The following PHC2 variants were observed in gnomAD, a reference collection of about 807,000 sequenced individuals.
PHC2 encodes polyhomeotic-like protein 2.
In PHC2, 29 loss-of-function variants were observed where a neutral mutation model predicts 87.4. The observed-to-expected ratio is 0.33, with a 90% confidence interval of 0.25 to 0.45. The LOEUF is 0.45. Ranked by LOEUF, PHC2 falls within the 20% of genes least tolerant of loss-of-function variation. PHC2 has a pLI of 1.00. For missense variants in PHC2, 857 were observed against 1,136.7 expected (o/e 0.75, Z 3.54); for synonymous variants, 438 against 461.7 (o/e 0.95, Z 0.66).
intron 1 of PHC2, among the ~76,000 whole-genome samples, chr1:33,393,100 G>A (rs4294379): frequency 0.067 from 10,133 of 152,190 alleles, 587 homozygotes; most frequent in East Asian, 0.18. Flanking sequence ...CAGACACTCA[G>A]GGAGGCCATA....
At chr1:33,325,730 T>TA (rs894121133) in intron 14 of PHC2, 8 of 368,740 alleles carry the variant, frequency 2.2e-5, no homozygotes, top group African/African-American at 1.7e-4. Flanking sequence ...GATTGCTGCT[T>TA]AAAGTCACTG....
intron 7 of PHC2, 45 bp from the exon 8 acceptor site, chr1:33,355,298 C>T (rs1398281790): frequency 6.7e-7 from 1 of 1,494,104 alleles, no homozygotes; most frequent in Admixed American, 2.2e-5. Flanking sequence ...TTGACCTTCT[C>T]TTCTGCTGTG....
Position 33,332,128 on chromosome 1 carries a change from G to T in PHC2, c.1891+147C>A. On this transcript the variant is annotated intron_variant, in intron 11 of 14. Transcript: ENST00000683057. This position sits in a 1 kb window ranked among gnomAD's most constrained non-coding sequence, Gnocchi z 4.2. ...TGATTTCCCCTATCCCTCTTTTTGA[G>T]GGAAGGAGGCTGAGGAGGTGCTGGG... 1.2e-6 allele frequency: 1 copy of T among 844,852 alleles called. No individual in the cohort carries two copies. The highest frequency in any genetic ancestry group is 1.8e-6 in the Non-Finnish European group (1 of 541,844). The allele number at this position is 844,852 out of a possible 1,614,324, so 52.3% of individuals were successfully genotyped here.
rs1161551090 is a variant in PHC2, at chr1:33,389,060, A to T, written c.-54-13467T>A. On this transcript the variant is annotated intron_variant, in intron 1 of 14. Transcript: ENST00000683057. ...CTCAAGTCCAAGAAATGTTCTTGTT[A>T]AAAAAAAAAAAAAAAGAAAGAAAGA... Among the ~76,000 whole-genome samples the T allele has an allele frequency of 4.4e-5, 3 of 68,380 alleles. No homozygotes were observed. In the East Asian group the frequency reaches 2.7e-3, roughly 61 times the overall value. The allele number at this position is 68,380 out of a possible 152,430, so 44.9% of individuals were successfully genotyped here.
chr1:33,334,560 G>C lies in PHC2; in HGVS notation c.1559-268C>G, dbSNP rs1036480145. On this transcript the variant is annotated intron_variant, in intron 9 of 14. Coordinates refer to ENST00000683057, the MANE Select transcript of PHC2 (RefSeq NM_001385109.1). The surrounding 1 kb of genome is among the most constrained non-coding windows in gnomAD (Gnocchi z 5.5). ...TTTCTTCATTTCCCAACCGTGCTAT[G>C]AACAGTTAACCCGGATAAACAGACG... Among the ~76,000 whole-genome samples, 1 of 152,234 alleles carries C rather than the reference G, an allele frequency of 6.6e-6. No individual in the cohort carries two copies. The highest frequency in any genetic ancestry group is 2.4e-5 in the African/African-American group (1 of 41,456).
At chr1:33,429,927 C>T (rs935058870) in intron 1 of PHC2, among the ~76,000 whole-genome samples, 1 of 152,212 alleles carries the variant, frequency 6.6e-6, no homozygotes, top group African/African-American at 2.4e-5. Flanking sequence ...TTTTCATCCC[C>T]ACTGGTGATA....
At chr1:33,354,659 G>A (rs1647034711) in intron 8 of PHC2, 93 bp from the exon 9 acceptor site, 8 of 1,409,490 alleles carry the variant, frequency 5.7e-6, no homozygotes, top group Non-Finnish European at 7.7e-6. Flanking sequence ...TGGGAAGCAG[G>A]TAAGGACCTT....
At chr1:33,398,593 C>T (rs994650676) in intron 1 of PHC2, among the ~76,000 whole-genome samples, 13 of 152,146 alleles carry the variant, frequency 8.5e-5, no homozygotes, top group Admixed American at 8.5e-4. Flanking sequence ...TCACAGTATT[C>T]TTAGCACAAA....
chr1:33,372,570 C>T, intron 2 of PHC2, 123 bp from the exon 3 acceptor site: 2 of 693,202 alleles, frequency 2.9e-6, no homozygotes, highest in Non-Finnish European at 4.0e-6. Flanking sequence ...GATCTGTGAC[C>T]ACCACCACAG....
chr1:33,349,599 G>C lies in PHC2; in HGVS notation c.1558+4802C>G. On this transcript the variant is annotated intron_variant, in intron 9 of 14. Transcript: ENST00000683057. The surrounding 1 kb of genome is among the most constrained non-coding windows in gnomAD (Gnocchi z 4.2). ...CCCTCCCCCGCCCCGGCACTGACCT[G>C]TCCAGGGCCCGGCTGGGCCTGGCCG... The C allele has an allele frequency of 1.0e-6, 1 of 983,984 alleles. No individual in the cohort carries two copies. The highest frequency in any genetic ancestry group is 1.2e-6 in the Non-Finnish European group (1 of 829,296). The allele number at this position is 983,984 out of a possible 1,614,324, so 61.0% of individuals were successfully genotyped here.
At chr1:33,346,596 G>A (rs1450049381) in intron 9 of PHC2, 19 of 985,188 alleles carry the variant, frequency 1.9e-5, no homozygotes, top group African/African-American at 3.5e-5. Flanking sequence ...GGTAAACACC[G>A]TACTAATGAT....
intron 1 of PHC2, among the ~76,000 whole-genome samples, chr1:33,412,651 T>C (rs1280707468): frequency 6.6e-6 from 1 of 152,222 alleles, no homozygotes; most frequent in Non-Finnish European, 1.5e-5. Context: ...CAGATATATG[T>C]ACCCTATCTA....
At chr1:33,374,580 C>T (rs1002367405) in intron 2 of PHC2, among the ~76,000 whole-genome samples, 4 of 152,144 alleles carry the variant, frequency 2.6e-5, no homozygotes, top group Non-Finnish European at 5.9e-5. Flanking sequence ...AAGTTCAAAG[C>T]AGGATGAGGT....
At chr1:33,325,807 T>C in intron 14 of PHC2, 1 of 442,576 alleles carries the variant, frequency 2.3e-6, no homozygotes, top group African/African-American at 2.0e-5. Context: ...GGAAAAGGAG[T>C]GCTGACATCA....
At chr1:33,353,795 G>A (rs147596520) in intron 9 of PHC2, among the ~76,000 whole-genome samples, 76 of 152,290 alleles carry the variant, frequency 5.0e-4, no homozygotes, top group African/African-American at 1.7e-3. Flanking sequence ...TGCAGAAGGC[G>A]GAGGTACTGC....
rs992231648 is a variant in PHC2 at position 33,407,715 on chromosome 1, T to C, written c.-55+23261A>G. On this transcript the variant is annotated intron_variant, in intron 1 of 14. Coordinates refer to ENST00000683057, the MANE Select transcript of PHC2 (RefSeq NM_001385109.1). Reference sequence around the variant, plus strand: ...CAGATATTTCATTCAGACTAGTAAATGCCTTCAGAGAGAGAGGTATTTTTA... The same window carrying C: ...CAGATATTTCATTCAGACTAGTAAACGCCTTCAGAGAGAGAGGTATTTTTA... 1.7e-4 allele frequency among the ~76,000 whole-genome samples: 26 copies of C among 152,310 alleles called. 1 individual carries two copies. Among genetic ancestry groups the C allele is most frequent in the African/African-American group, 5.8e-4 (24 of 41,572 alleles).
intron 13 of PHC2, 89 bp from the exon 14 acceptor site, chr1:33,329,235 T>G (rs1483270411): frequency 2.2e-6 from 3 of 1,388,492 alleles, no homozygotes; most frequent in East Asian, 4.7e-5. Context: ...CTTTTTCTAC[T>G]TGGCCTACTA....
Position 33,349,863 on chromosome 1 carries a change from G to A in PHC2, c.1558+4538C>T. 3 of 977,796 alleles carry A rather than the reference G, an allele frequency of 3.1e-6. No homozygotes were observed. The highest frequency in any genetic ancestry group is 2.4e-6 in the Non-Finnish European group (2 of 826,102). The allele number at this position is 977,796 out of a possible 1,614,324, so 60.6% of individuals were successfully genotyped here. A position where few individuals can be genotyped will look rare whatever the true frequency, so the allele number is the denominator to read the frequency against. On this transcript the variant is annotated intron_variant, in intron 9 of 14. Coordinates refer to ENST00000683057, the MANE Select transcript of PHC2 (RefSeq NM_001385109.1). The surrounding 1 kb of genome is among the most constrained non-coding windows in gnomAD (Gnocchi z 4.2). ...CCGGGGTTGCGCGCGCGCGCGCGGC[G>A]GGCGCTCGAGGGCTGCAGCCGCCGC...
intron 9 of PHC2, chr1:33,345,965 A>G: frequency 1.0e-6 from 1 of 984,804 alleles, no homozygotes; most frequent in East Asian, 1.1e-4. Flanking sequence ...TAAATAGGCA[A>G]CTTTTTTTAA....
Sources: gnomAD v4.1 joint callset for allele counts (sites outside exome capture counted in the v4.1 genomes callset) on GRCh38, gnomAD v4.1.1 for gene constraint, Gnocchi (gnomAD v3.1) non-coding constraint, MANE v1.5 for transcripts, NCBI Gene and HGNC (gene_info 2026-07-23, HGNC 2026-07-21) for gene names.